NKX6-3: variants seen among roughly 807,000 people sequenced by gnomAD.
NKX6-3 encodes NK6 homeobox 3, also known as homeobox protein Nkx-6.3.
In NKX6-3, 17 loss-of-function variants were observed where a neutral mutation model predicts 22.0. That is an observed-to-expected ratio of 0.77 (90% CI 0.53 to 1.16). NKX6-3 has a LOEUF of 1.16. Among genes scored for constraint, NKX6-3 ranks in the 50% most tolerant of loss-of-function variants. The pLI is 0.00. For synonymous variants in NKX6-3, 177 were observed against 167.2 expected (o/e 1.06, Z -0.45); for missense variants, 363 against 359.0 (o/e 1.01, Z -0.09).
intron 1 of NKX6-3, 106 bp from the exon 2 acceptor site, chr8:41,648,341 G>A (rs934602683): frequency 5.2e-6 from 5 of 960,878 alleles, no homozygotes; most frequent in Non-Finnish European, 6.0e-6. Flanking sequence ...CTCCTGCAGA[G>A]GTTTCCAGGA....
At position 41,650,473 on chromosome 8, in the gene NKX6-3, C is replaced by A; in HGVS notation, c.20G>T (p.Gly7Val). The change falls in exon 1 of 3, where the codon GGG becomes GTG. Residue 7 changes from glycine to valine, a missense_variant. By Grantham distance (109) the Gly-to-Val change is moderately radical (BLOSUM62 -3). Coordinates refer to ENST00000518699, the MANE Select transcript of NKX6-3 (RefSeq NM_001364841.2). MESNLQ[G>V]TFLLNNTPLA... Reference sequence around the variant, plus strand: ...CGGCGTGTTGTTCAGCAGGAACGTCCCCTGCAGGTTGGACTCCATGATCTC... The same window carrying A: ...CGGCGTGTTGTTCAGCAGGAACGTCACCTGCAGGTTGGACTCCATGATCTC... The A allele has an allele frequency of 6.5e-7, 1 of 1,535,548 alleles. No homozygotes were observed. The highest frequency in any genetic ancestry group is 8.7e-7 in the Non-Finnish European group (1 of 1,146,798).
intron 2 of NKX6-3, 131 bp from the exon 3 acceptor site, chr8:41,646,825 G>A: frequency 7.6e-7 from 1 of 1,319,884 alleles, no homozygotes; most frequent in South Asian, 1.4e-5. Context: ...TTCTGTTGGG[G>A]AAGGACAATA....
intron 1 of NKX6-3, among the ~76,000 whole-genome samples, chr8:41,649,486 C>T (rs1229563141): frequency 2.6e-5 from 4 of 152,152 alleles, no homozygotes; most frequent in Admixed American, 6.5e-5. Flanking sequence ...AGGGATGGGT[C>T]GGCTGAGAAG....
chr8:41,646,402 G>C lies in NKX6-3; in HGVS notation c.*47C>G. 2 of 1,546,170 alleles carry C rather than the reference G, an allele frequency of 1.3e-6. No individual in the cohort carries two copies. The highest frequency in any genetic ancestry group is 1.2e-5 in the South Asian group (1 of 84,442). On this transcript the variant is annotated 3_prime_UTR_variant, in exon 3 of 3. Coordinates refer to ENST00000518699, the MANE Select transcript of NKX6-3 (RefSeq NM_001364841.2). ...GGGAGGGGAAGGTAGGCTCCTCGGC[G>C]TCCCCCCGCAGGCTGCAGCCAGGAT...
intron 1 of NKX6-3, among the ~76,000 whole-genome samples, chr8:41,649,004 G>A (rs1378925202): frequency 6.6e-6 from 1 of 152,246 alleles, no homozygotes; most frequent in Non-Finnish European, 1.5e-5. Context: ...TCTTGGCTAT[G>A]TCCCTGTGTG....
At chr8:41,649,014 G>A (rs1228598597) in intron 1 of NKX6-3, among the ~76,000 whole-genome samples, 2 of 152,236 alleles carry the variant, frequency 1.3e-5, no homozygotes, top group Non-Finnish European at 2.9e-5. Flanking sequence ...GTCCCTGTGT[G>A]TGTACCTGCA....
intron 2 of NKX6-3, among the ~76,000 whole-genome samples, chr8:41,646,941 C>CT (rs1329551577): frequency 3.9e-5 from 1 of 25,720 alleles, no homozygotes; most frequent in Admixed American, 2.4e-4. Flanking sequence ...CCCTCCCCCT[C>CT]CCCTCCCCCT....
In NKX6-3 at chr8:41,650,242, C is replaced by T. The variant is rs1365206586; in HGVS notation, c.251G>A (p.Ser84Asn). 2 of 1,533,298 alleles carry T rather than the reference C, an allele frequency of 1.3e-6. No individual in the cohort carries two copies. Among genetic ancestry groups the T allele is most frequent in the Non-Finnish European group, 1.7e-6 (2 of 1,145,562 alleles). The allele number at this position is 1,533,298 out of a possible 1,614,324, so 95.0% of individuals were successfully genotyped here. ...YPHVAGFGGL[S>N]SQGVYYSPQV... Reference sequence around the variant, plus strand: ...GGGGCTGTAGTAGACCCCCTGCGAGCTGAGCCCCCCAAAGCCTGCCACGTG... The same window carrying T: ...GGGGCTGTAGTAGACCCCCTGCGAGTTGAGCCCCCCAAAGCCTGCCACGTG... The change falls in exon 1 of 3, where the codon AGC (serine) becomes AAC (asparagine). Residue 84 changes from serine to asparagine, a missense_variant. This residue lies in a region of NKX6-3 where 175 missense variants were observed against 160.9 expected (regional missense o/e 1.09). Transcript: ENST00000518699.
In NKX6-3 at chr8:41,647,287, T is replaced by TTGGAGC. The variant is rs763049169; in HGVS notation, c.553-599_553-594dup. 6.2e-6 allele frequency: 10 copies of TTGGAGC among 1,604,364 alleles called. No homozygotes were observed. In the African/African-American group the frequency reaches 1.3e-4, roughly 21 times the overall value. On this transcript the variant is annotated intron_variant, in intron 2 of 2. Transcript: ENST00000518699. Reference sequence around the variant, plus strand: ...CGGCTGATGAGGAGGGCGCAGCGGGTTGGAGCTCGGGGAGGCCCCAGGGCC... The same window carrying TTGGAGC: ...CGGCTGATGAGGAGGGCGCAGCGGGTTGGAGCTGGAGCTCGGGGAGGCCCCAGGGCC...
In NKX6-3 at chr8:41,646,496, G is replaced by A; in HGVS notation, c.751C>T (p.His251Tyr). 6.2e-7 allele frequency: 1 copy of A among 1,610,580 alleles called. No individual in the cohort carries two copies. Among genetic ancestry groups the A allele is most frequent in the Non-Finnish European group, 8.5e-7 (1 of 1,178,850 alleles). ...DEKIRLLLRKHRAAFSVLSLG... is the reference protein window; with the variant it reads ...DEKIRLLLRKYRAAFSVLSLG... ...CTGAGCACCGAGAAGGCGGCGCGGT[G>A]CTTGCGCAGCAGCAGGCGGATCTTC... Residue 251 changes from histidine to tyrosine, a missense_variant, in exon 3 of 3, where the codon CAC becomes TAC. Coordinates refer to ENST00000518699, the MANE Select transcript of NKX6-3 (RefSeq NM_001364841.2).
chr8:41,648,929 G>T (rs1804262541), intron 1 of NKX6-3, among the ~76,000 whole-genome samples: 1 of 152,246 alleles, frequency 6.6e-6, no homozygotes, highest in Admixed American at 6.5e-5. Flanking sequence ...CACAGAGAGA[G>T]GAAGAGCCCT....
chr8:41,650,212 A>G lies in NKX6-3; in HGVS notation c.281T>C (p.Val94Ala). Reference protein sequence around the residue: ...SSQGVYYSPQVGNFSKAGNEY... With the variant: ...SSQGVYYSPQAGNFSKAGNEY... ...GTTCCCAGCCTTGGAAAAATTCCCTACCTGGGGGCTGTAGTAGACCCCCTG... is the reference window on the plus strand; with the variant it reads ...GTTCCCAGCCTTGGAAAAATTCCCTGCCTGGGGGCTGTAGTAGACCCCCTG... Residue 94 changes from valine (V) to alanine (A), a missense_variant, in exon 1 of 3, where the codon GTA becomes GCA. Val to Ala is a moderately conservative substitution (Grantham distance 64). This residue lies in a region of NKX6-3 where 175 missense variants were observed against 160.9 expected (regional missense o/e 1.09). Coordinates refer to ENST00000518699, the MANE Select transcript of NKX6-3 (RefSeq NM_001364841.2). 6.5e-7 allele frequency: 1 copy of G among 1,533,944 alleles called. No homozygotes were observed. Among genetic ancestry groups the G allele is most frequent in the Non-Finnish European group, 8.7e-7 (1 of 1,145,964 alleles).
rs1203895248 is a variant in NKX6-3, at chr8:41,650,448, C to T, written c.45G>A (p.Pro15=). The T allele has an allele frequency of 2.6e-6, 4 of 1,535,658 alleles. No homozygotes were observed. The highest frequency in any genetic ancestry group is 1.2e-5 in the South Asian group (1 of 84,044). The change falls in exon 1 of 3, where the codon CCG becomes CCA. Residue 15 remains proline, a synonymous_variant. Transcript: ENST00000518699. ...CCTTCATCTCCGGAAACTGAGCCAG[C>T]GGCGTGTTGTTCAGCAGGAACGTCC... ...LQGTFLLNNT[P]LAQFPEMKAP...
rs535749736 is a variant in NKX6-3, at chr8:41,646,409, C to G, written c.*40G>C. 5 of 1,555,694 alleles carry G rather than the reference C, an allele frequency of 3.2e-6. No homozygotes were observed. In the African/African-American group the frequency reaches 4.1e-5, roughly 13 times the overall value. On this transcript the variant is annotated 3_prime_UTR_variant, in exon 3 of 3. Transcript: ENST00000518699. Reference sequence around the variant, plus strand: ...GAAGGTAGGCTCCTCGGCGTCCCCCCGCAGGCTGCAGCCAGGATCCCGGGC... The same window carrying G: ...GAAGGTAGGCTCCTCGGCGTCCCCCGGCAGGCTGCAGCCAGGATCCCGGGC...
In NKX6-3 at chr8:41,650,173, C is replaced by A. The variant is rs770891072; in HGVS notation, c.320G>T (p.Arg107Leu). ...FSKAGNEYPT[R>L]TRNCWADTGQ... ...CGTGTCCGCCCAGCAGTTCCGGGTC[C>A]GGGTCGGGTACTCGTTCCCAGCCTT... The change falls in exon 1 of 3, where the codon CGG becomes CTG. Residue 107 changes from arginine to leucine, a missense_variant. Around this residue, in one of 3 missense-constraint regions of NKX6-3, gnomAD observed 175 missense variants for 160.9 expected, o/e 1.09. Transcript: ENST00000518699. 1.3e-6 allele frequency: 2 copies of A among 1,535,510 alleles called. No homozygotes were observed. Among genetic ancestry groups the A allele is most frequent in the South Asian group, 2.4e-5 (2 of 84,010 alleles).
At position 41,646,983 on chromosome 8, in the gene NKX6-3, C is replaced by T. The variant is rs549054511; in HGVS notation, c.553-289G>A. ...CCCCCTCCTCCTCCTTCTCCTCCTC[C>T]TCCTCCTCCTCCACCTGGGAACTCG... On this transcript the variant is annotated intron_variant, in intron 2 of 2. Coordinates refer to ENST00000518699, the MANE Select transcript of NKX6-3 (RefSeq NM_001364841.2). Among the ~76,000 whole-genome samples the T allele has an allele frequency of 3.2e-5, 4 of 125,030 alleles. No individual in the cohort carries two copies. In the East Asian group the frequency reaches 1.0e-3, roughly 32 times the overall value. The allele number at this position is 125,030 out of a possible 152,430, so 82.0% of individuals were successfully genotyped here.
At position 41,646,279 on chromosome 8, in the gene NKX6-3, CGCCT is replaced by C; in HGVS notation, c.*166_*169del. ...TTCCCTCCTTTTCCTCCTCCTCCCCCGCCTCCCCTCCTCCTCCCCTGCACCTGCT... is the reference window on the plus strand; with the variant it reads ...TTCCCTCCTTTTCCTCCTCCTCCCCCCCCCTCCTCCTCCCCTGCACCTGCT... On this transcript the variant is annotated 3_prime_UTR_variant, in exon 3 of 3. Coordinates refer to ENST00000518699, the MANE Select transcript of NKX6-3 (RefSeq NM_001364841.2). 8 of 879,374 alleles carry C rather than the reference CGCCT, an allele frequency of 9.1e-6. No individual in the cohort carries two copies. The highest frequency in any genetic ancestry group is 2.9e-5 in the Admixed American group (1 of 34,762). 54.5% of individuals were successfully genotyped at this position (879,374 alleles called of 1,614,324 possible). A position where few individuals can be genotyped will look rare whatever the true frequency, so the allele number is the denominator to read the frequency against.
chr8:41,646,660 T>C lies in NKX6-3; in HGVS notation c.587A>G (p.Lys196Arg), dbSNP rs1275322503. The change falls in exon 3 of 3, where the codon AAG (lysine) becomes AGG (arginine). Residue 196 changes from lysine to arginine, a missense_variant. Physicochemically the swap from Lys to Arg is conservative, Grantham distance 26 (BLOSUM62 2). Transcript: ENST00000518699. ...WFQNRRTKWRKKSALEPSSST... is the reference protein window; with the variant it reads ...WFQNRRTKWRRKSALEPSSST... ...GGACGAGGGCTCCAGGGCGCTCTTCTTCCGCCACTTGGTCCTGCGGTTCTG... is the reference window on the plus strand; with the variant it reads ...GGACGAGGGCTCCAGGGCGCTCTTCCTCCGCCACTTGGTCCTGCGGTTCTG... 1 of 1,545,396 alleles carries C rather than the reference T, an allele frequency of 6.5e-7. No individual in the cohort carries two copies. The highest frequency in any genetic ancestry group is 2.0e-5 in the Admixed American group (1 of 48,836).
intron 2 of NKX6-3, chr8:41,647,119 T>C (rs1804228192): frequency 6.6e-7 from 1 of 1,504,892 alleles, no homozygotes; most frequent in Non-Finnish European, 9.1e-7. Flanking sequence ...ACTTCATAAA[T>C]AATTGTTCCC....
Sources: gnomAD v4.1 joint callset for allele counts (sites outside exome capture counted in the v4.1 genomes callset) on GRCh38, gnomAD v4.1.1 for gene constraint, gnomAD v4.1.1 regional missense constraint, MANE v1.5 for transcripts, NCBI Gene and HGNC (gene_info 2026-07-23, HGNC 2026-07-21) for gene names.